ANTXR1: variants seen among roughly 807,000 people sequenced by gnomAD.
The protein encoded by ANTXR1 is ANTXR cell adhesion molecule 1.
A neutral mutation model predicts 78.1 loss-of-function variants in ANTXR1; 19 were observed. That is an observed-to-expected ratio of 0.24 (90% CI 0.17 to 0.36). The LOEUF is 0.36. ANTXR1 is among the 10% of genes least tolerant of loss of function. ANTXR1 has a pLI of 1.00. For missense variants in ANTXR1, 518 were observed against 718.6 expected, an observed-to-expected ratio of 0.72 and a Z score of 3.19; for synonymous variants, 273 against 260.5, an observed-to-expected ratio of 1.05 and a Z score of -0.46.
At chr2:69,020,819 A>G (rs559994619) in intron 1 of ANTXR1, among the ~76,000 whole-genome samples, 2 of 152,378 alleles carry the variant, frequency 1.3e-5, no homozygotes, top group East Asian at 3.9e-4. Flanking sequence ...AATTTGACTC[A>G]GCAGATTCTT....
At chr2:69,218,956 G>C (rs867203386) in intron 17 of ANTXR1, among the ~76,000 whole-genome samples, 23 of 152,170 alleles carry the variant, frequency 1.5e-4, no homozygotes, top group Non-Finnish European at 4.4e-5. Flanking sequence ...CAAACCAGGA[G>C]CCTTAATAAC....
At chr2:69,083,001 C>T (rs775259348) in intron 8 of ANTXR1, among the ~76,000 whole-genome samples, 12 of 152,266 alleles carry the variant, frequency 7.9e-5, no homozygotes, top group Middle Eastern at 3.4e-3. Flanking sequence ...GTGAGATCAA[C>T]GGAACCGAGG....
chr2:69,201,459 G>GCCTGACGAGGCTGTACTCCAC (rs1558641798), intron 17 of ANTXR1, among the ~76,000 whole-genome samples: 1 of 152,212 alleles, frequency 6.6e-6, no homozygotes, highest in Non-Finnish European at 1.5e-5. Context: ...TGCTCTGCCA[G>GCCTGACGAGGCTGTACTCCAC]CCTGACGAGG....
At chr2:69,015,794 A>G (rs574778374) in intron 1 of ANTXR1, among the ~76,000 whole-genome samples, 4 of 152,194 alleles carry the variant, frequency 2.6e-5, no homozygotes, top group South Asian at 4.1e-4. Context: ...GAAAAAACAT[A>G]AGAAGTTACA....
At position 69,043,895 on chromosome 2, in the gene ANTXR1, A is replaced by G. The variant is rs187259368; in HGVS notation, c.225-847A>G. Among the ~76,000 whole-genome samples, 28 of 152,274 alleles carry G rather than the reference A, an allele frequency of 1.8e-4. No homozygotes were observed. In the East Asian group the frequency reaches 2.5e-3, roughly 14 times the overall value. On this transcript the variant is annotated intron_variant, in intron 2 of 17. Transcript: ENST00000303714. ...GAGAAACACTTGGGGAACTGGAACT[A>G]CAAGGTTCAGAGCCCGATCAGGTGT...
intron 16 of ANTXR1, among the ~76,000 whole-genome samples, chr2:69,188,210 G>T (rs1441990283): frequency 1.3e-5 from 2 of 152,072 alleles, no homozygotes; most frequent in Non-Finnish European, 2.9e-5. Context: ...AGGTTCAAGG[G>T]ATTCTCCTAC....
intron 17 of ANTXR1, among the ~76,000 whole-genome samples, chr2:69,196,379 G>A (rs897714203): frequency 7.9e-5 from 12 of 152,182 alleles, no homozygotes; most frequent in African/African-American, 2.9e-4. Flanking sequence ...GAGAGAAATC[G>A]ATACAGAAAA....
At chr2:69,079,288 AAAC>A (rs1670829874) in intron 8 of ANTXR1, among the ~76,000 whole-genome samples, 1 of 152,194 alleles carries the variant, frequency 6.6e-6, no homozygotes, top group Non-Finnish European at 1.5e-5. Flanking sequence ...TAACCATGTA[AAAC>A]AACAACCCAA....
Position 69,176,094 on chromosome 2 carries a change from T to TACAC in ANTXR1, c.1090-5680_1090-5677dup, listed in dbSNP as rs149847661. ...ACACAGACACCCCCCCACACACACA[T>TACAC]ACACACACACACACATACACTCCAA... On this transcript the variant is annotated intron_variant, in intron 14 of 17. Transcript: ENST00000303714. 7.6e-5 allele frequency among the ~76,000 whole-genome samples: 11 copies of TACAC among 145,660 alleles called. No individual in the cohort carries two copies. In the Admixed American group the frequency reaches 7.6e-4, roughly 10 times the overall value.
intron 10 of ANTXR1, among the ~76,000 whole-genome samples, chr2:69,115,509 G>C (rs182004395): frequency 8.1e-4 from 123 of 152,296 alleles, no homozygotes; most frequent in African/African-American, 2.9e-3. Context: ...CCATATTATA[G>C]ATGACAATTT....
At chr2:69,232,675 A>G (rs949076791) in intron 17 of ANTXR1, among the ~76,000 whole-genome samples, 1 of 152,208 alleles carries the variant, frequency 6.6e-6, no homozygotes, top group South Asian at 2.1e-4. Flanking sequence ...TTTCATTATT[A>G]AACAAGAAAA....
chr2:69,069,095 G>A (rs1670491142), intron 3 of ANTXR1, among the ~76,000 whole-genome samples: 1 of 152,160 alleles, frequency 6.6e-6, no homozygotes. Flanking sequence ...CCCAGGGACA[G>A]GCAAACCCCT....
At chr2:69,237,866 G>A (rs1675807030) in intron 17 of ANTXR1, among the ~76,000 whole-genome samples, 2 of 152,094 alleles carry the variant, frequency 1.3e-5, no homozygotes, top group South Asian at 2.1e-4. Context: ...ATATATGTGT[G>A]TGTGTGCACA....
At chr2:69,049,788 T>A (rs1249783135) in intron 3 of ANTXR1, among the ~76,000 whole-genome samples, 2 of 152,218 alleles carry the variant, frequency 1.3e-5, no homozygotes, top group African/African-American at 4.8e-5. Context: ...TTTCAGACTT[T>A]AATTCCCAAT....
intron 3 of ANTXR1, among the ~76,000 whole-genome samples, chr2:69,059,038 G>A (rs1007572532): frequency 1.3e-5 from 2 of 152,164 alleles, no homozygotes; most frequent in African/African-American, 4.8e-5. Flanking sequence ...GAACTCATGA[G>A]GACTTGATTC....
At chr2:69,202,622 G>A (rs1674802124) in intron 17 of ANTXR1, among the ~76,000 whole-genome samples, 2 of 152,198 alleles carry the variant, frequency 1.3e-5, no homozygotes. Context: ...GAGGGCTTAG[G>A]AGGAAGTGCC....
chr2:69,177,673 A>G (rs761257461), intron 14 of ANTXR1, among the ~76,000 whole-genome samples: 6 of 151,768 alleles, frequency 4.0e-5, no homozygotes, highest in Non-Finnish European at 7.4e-5. Flanking sequence ...CTTCCGCGTT[A>G]TCTCATCTTC....
chr2:69,090,912 T>C lies in ANTXR1; in HGVS notation c.696T>C (p.Cys232=). 6.2e-7 allele frequency: 1 copy of C among 1,612,854 alleles called. No individual in the cohort carries two copies. Among genetic ancestry groups the C allele is most frequent in the Non-Finnish European group, 8.5e-7 (1 of 1,179,958 alleles). Residue 232 remains cysteine, a synonymous_variant, in exon 9 of 18, where the codon TGT becomes TGC. Coordinates refer to ENST00000303714, the MANE Select transcript of ANTXR1 (RefSeq NM_032208.3). ...TAGCAGCTGAACCATCCACCATATG[T>C]GCAGGAGGTAAATTGAAATGAAATG... ...EILAAEPSTI[C]AGESFQVVVR... is the part of the protein sequence containing the mutation.
At chr2:69,189,487 C>G (rs1321624460) in intron 16 of ANTXR1, among the ~76,000 whole-genome samples, 1 of 152,214 alleles carries the variant, frequency 6.6e-6, no homozygotes, top group Non-Finnish European at 1.5e-5. Flanking sequence ...TTATTGACTG[C>G]AGTGCATCCA....
Sources: gnomAD v4.1 joint callset for allele counts (sites outside exome capture counted in the v4.1 genomes callset) on GRCh38, gnomAD v4.1.1 for gene constraint, MANE v1.5 for transcripts, NCBI Gene and HGNC (gene_info 2026-07-23, HGNC 2026-07-21) for gene names.